Variants in PDK1 observed in about 807,000 individuals in gnomAD.
The protein encoded by PDK1 is pyruvate dehydrogenase kinase 1.
PDK1 carries 39 observed loss-of-function variants against 54.2 expected under a neutral mutation model. The observed-to-expected ratio is 0.72, with a 90% CI of 0.56 to 0.94. The LOEUF (loss-of-function observed/expected upper bound fraction) is 0.94. Ranked by LOEUF, PDK1 falls within the 40% of genes least tolerant of loss-of-function variation. The probability of loss-of-function intolerance (pLI) is 0.00; values close to 1 mark genes in which losing one functional copy is unlikely to be tolerated. For synonymous variants in PDK1, 221 were observed against 207.1 expected (o/e 1.07, Z -0.58); for missense variants, 552 against 566.0 (o/e 0.98, Z 0.25).
the PDK1 span, among the ~76,000 whole-genome samples, chr2:172,652,590 C>A: frequency 2.6e-5 from 4 of 152,200 alleles, no homozygotes; most frequent in Non-Finnish European, 5.9e-5. Flanking sequence ...AACCCAAAAT[C>A]TCCTTAAGCT....
At chr2:172,683,074 T>G in the PDK1 span, among the ~76,000 whole-genome samples, 1 of 152,034 alleles carries the variant, frequency 6.6e-6, no homozygotes, top group African/African-American at 2.4e-5. Context: ...AGGCTGGGCA[T>G]GGGGGCTCAC....
the PDK1 span, among the ~76,000 whole-genome samples, chr2:172,713,463 G>T: frequency 6.6e-6 from 1 of 152,174 alleles, no homozygotes; most frequent in Non-Finnish European, 1.5e-5. Context: ...GGCCCGTGCC[G>T]AGCTGCCCAC....
At chr2:172,558,616 C>A in intron 1 of PDK1, 92 bp from the exon 2 acceptor site, 1 of 1,158,840 alleles carries the variant, frequency 8.6e-7, no homozygotes, top group South Asian at 1.6e-5. Context: ...TCTGGCCTTG[C>A]CGGATAACTT....
chr2:172,562,228 A>G lies in PDK1; in HGVS notation c.347A>G (p.Gln116Arg), dbSNP rs1243214134. The stretch of plus-strand genomic sequence containing the variant: ...ATTGATCTGCATTTTAGGTATATCC[A>G]GAGTCTTCAGGAGCTTCTTGATTTT... Reference protein sequence around the residue: ...SVQLVQSWYIQSLQELLDFKD... With the variant: ...SVQLVQSWYIRSLQELLDFKD... The change falls in exon 3 of 11, where the codon CAG becomes CGG. Residue 116 changes from glutamine (Q) to arginine (R), a missense_variant. Gln to Arg is a conservative substitution (Grantham distance 43). Coordinates refer to ENST00000282077, the MANE Select transcript of PDK1 (RefSeq NM_002610.5). The G allele has an allele frequency of 6.3e-7, 1 of 1,574,870 alleles. No individual in the cohort carries two copies. Among genetic ancestry groups the G allele is most frequent in the South Asian group, 1.1e-5 (1 of 89,934 alleles).
At chr2:172,578,916 G>A (rs1024043906) in intron 8 of PDK1, among the ~76,000 whole-genome samples, 4 of 152,112 alleles carry the variant, frequency 2.6e-5, no homozygotes, top group Admixed American at 2.0e-4. Context: ...GTATAGAAGT[G>A]TTCAGGAGAA....
the PDK1 span, among the ~76,000 whole-genome samples, chr2:172,647,447 G>A: frequency 6.6e-6 from 1 of 152,146 alleles, no homozygotes. Flanking sequence ...AAATAATGGA[G>A]GCATGTCAAA....
the PDK1 span, among the ~76,000 whole-genome samples, chr2:172,636,028 G>A: frequency 5.3e-5 from 8 of 152,320 alleles, no homozygotes; most frequent in African/African-American, 1.2e-4. Flanking sequence ...CCCACATGGC[G>A]TGGTTTCGCC....
At chr2:172,650,506 G>A in the PDK1 span, among the ~76,000 whole-genome samples, 1 of 152,196 alleles carries the variant, frequency 6.6e-6, no homozygotes, top group Admixed American at 6.5e-5. Flanking sequence ...ATGTAAATGG[G>A]CTAAATGCTC....
At chr2:172,614,525 T>C in the PDK1 span, among the ~76,000 whole-genome samples, 1 of 152,122 alleles carries the variant, frequency 6.6e-6, no homozygotes, top group Non-Finnish European at 1.5e-5. Flanking sequence ...AGAGAGAAAC[T>C]GTTAGCAGAG....
At chr2:172,658,581 C>A in the PDK1 span, among the ~76,000 whole-genome samples, 2 of 152,184 alleles carry the variant, frequency 1.3e-5, no homozygotes, top group Admixed American at 1.3e-4. Flanking sequence ...CCATATTTTT[C>A]TTCTTGCAGA....
At chr2:172,705,386 G>A in the PDK1 span, among the ~76,000 whole-genome samples, 1 of 152,162 alleles carries the variant, frequency 6.6e-6, no homozygotes, top group African/African-American at 2.4e-5. Context: ...ATTAATTCTT[G>A]ACATTTTAAG....
At chr2:172,661,382 A>G in the PDK1 span, among the ~76,000 whole-genome samples, 4 of 152,142 alleles carry the variant, frequency 2.6e-5, no homozygotes, top group African/African-American at 9.7e-5. Context: ...TCAATTCTTA[A>G]TTGTCTTACT....
chr2:172,704,342 T>C, the PDK1 span, among the ~76,000 whole-genome samples: 1 of 152,244 alleles, frequency 6.6e-6, no homozygotes, highest in South Asian at 2.1e-4. Flanking sequence ...AAAGGGGCTG[T>C]TTTCAGTCGG....
intron 9 of PDK1, among the ~76,000 whole-genome samples, chr2:172,592,117 A>C (rs1002607478): frequency 2.0e-5 from 3 of 152,228 alleles, no homozygotes; most frequent in African/African-American, 7.2e-5. Context: ...TTTTGATAGG[A>C]AAGCTACGGG....
At chr2:172,610,706 G>A (rs1691434327), downstream of PDK1, among the ~76,000 whole-genome samples, 1 of 152,064 alleles carries the variant, frequency 6.6e-6, no homozygotes, top group South Asian at 2.1e-4. Flanking sequence ...TGCCTCCCAG[G>A]TTCAAGCGAT....
In PDK1 at chr2:172,564,974, A is replaced by G. The variant is rs1688857503; in HGVS notation, c.596-4A>G. ...TTTTGTTGGTTTTTTTCCTTTTTGG[A>G]TAGCTTTATTGTTTGGTGGAAAAGG... On this transcript the variant is annotated splice_region_variant and splice_polypyrimidine_tract_variant and intron_variant, in intron 4 of 10. Coordinates refer to ENST00000282077, the MANE Select transcript of PDK1 (RefSeq NM_002610.5). The G allele has an allele frequency of 6.2e-7, 1 of 1,604,730 alleles. No homozygotes were observed. The highest frequency in any genetic ancestry group is 8.5e-7 in the Non-Finnish European group (1 of 1,172,552).
rs1343159651 is a variant in PDK1, at chr2:172,606,583, T to C, written c.*10614T>C. ...TTTTGCCATATGTATCATCTGGCTTTCAGAGGACCTTTCATGGTTGTCAGG... is the reference window on the plus strand; with the variant it reads ...TTTTGCCATATGTATCATCTGGCTTCCAGAGGACCTTTCATGGTTGTCAGG... On this transcript the variant is annotated 3_prime_UTR_variant, in exon 11 of 11. Coordinates refer to ENST00000282077, the MANE Select transcript of PDK1 (RefSeq NM_002610.5). 6.6e-6 allele frequency: 1 copy of C among 152,208 alleles called. No homozygotes were observed. The highest frequency in any genetic ancestry group is 1.5e-5 in the Non-Finnish European group (1 of 68,040). 9.4% of individuals were successfully genotyped at this position (152,208 alleles called of 1,614,324 possible).
the PDK1 span, among the ~76,000 whole-genome samples, chr2:172,631,176 T>C: frequency 6.6e-6 from 1 of 152,250 alleles, no homozygotes; most frequent in African/African-American, 2.4e-5. Flanking sequence ...GGGCCACCTC[T>C]ATCAAATAAC....
At chr2:172,723,719 T>C in the PDK1 span, 4 of 152,212 alleles carry the variant, frequency 2.6e-5, no homozygotes, top group African/African-American at 9.6e-5. Flanking sequence ...TTTATATCAG[T>C]GTTAAATGTC....
Sources: gnomAD v4.1 joint callset for allele counts (sites outside exome capture counted in the v4.1 genomes callset) on GRCh38, gnomAD v4.1.1 for gene constraint, MANE v1.5 for transcripts, NCBI Gene and HGNC (gene_info 2026-07-23, HGNC 2026-07-21) for gene names.